Variants in TMTC3 observed in about 807,000 individuals in gnomAD.
The protein encoded by TMTC3 is protein O-mannosyl-transferase TMTC3.
Under a neutral mutation model 92.2 loss-of-function variants are expected in TMTC3, and 52 were observed. The ratio of observed to expected loss-of-function variants is 0.56; its 90% confidence interval spans 0.45 to 0.71. TMTC3 has a LOEUF of 0.71. TMTC3 is among the 30% of genes least tolerant of loss of function. The pLI, the probability that TMTC3 is intolerant of heterozygous loss-of-function variation, is 0.00. For missense variants in TMTC3, 896 were observed against 1,057.1 expected, an observed-to-expected ratio of 0.85 and a Z score of 2.11; for synonymous variants, 339 against 363.3, an observed-to-expected ratio of 0.93 and a Z score of 0.76.
intron 10 of TMTC3, among the ~76,000 whole-genome samples, chr12:88,185,099 T>C (rs2041361124): frequency 6.6e-6 from 1 of 152,176 alleles, no homozygotes; most frequent in Admixed American, 6.5e-5. Flanking sequence ...CAATAGACTA[T>C]ACATGTTTAA....
intron 2 of TMTC3, among the ~76,000 whole-genome samples, chr12:88,150,003 T>G (rs17335988): frequency 0.059 from 8,918 of 152,282 alleles, 324 homozygotes; most frequent in Non-Finnish European, 0.088. Context: ...TTTGAACTGA[T>G]GGTTTAGCTG....
chr12:88,172,635 G>T lies in TMTC3; in HGVS notation c.1089G>T (p.Ser363=). 6.4e-7 allele frequency: 1 copy of T among 1,554,250 alleles called. No homozygotes were observed. The change falls in exon 8 of 14, where the codon TCG becomes TCT. Residue 363 remains serine (S), a synonymous_variant. Transcript: ENST00000266712. ...TGGCATTACCATTTATTCCTGCATC[G>T]AACCTTTTTTTTCCAGTTGGATTTG... The part of the protein sequence containing the change: ...CLMALPFIPA[S]NLFFPVGFVV...
Position 88,160,111 on chromosome 12 carries a change from C to A in TMTC3, c.509-3C>A. The A allele has an allele frequency of 1.3e-6, 2 of 1,529,990 alleles. No homozygotes were observed. Among genetic ancestry groups the A allele is most frequent in the Non-Finnish European group, 1.8e-6 (2 of 1,129,698 alleles). 94.8% of individuals were successfully genotyped at this position (1,529,990 alleles called of 1,614,324 possible). On this transcript the variant is annotated splice_polypyrimidine_tract_variant and splice_region_variant and intron_variant, in intron 4 of 13. Transcript: ENST00000266712. ...TTTTATATTTTCTGTTCTCAAATTG[C>A]AGTATGGACTCCAATTGCCTTGACA... is the stretch of plus-strand genomic sequence containing the variant.
intron 10 of TMTC3, among the ~76,000 whole-genome samples, chr12:88,182,529 TCTAA>T (rs1212570015): frequency 3.3e-5 from 5 of 152,284 alleles, no homozygotes; most frequent in South Asian, 2.1e-4. Flanking sequence ...CCTTTTGAGG[TCTAA>T]CTGACCAGGA....
In TMTC3 at chr12:88,195,560, A is replaced by G. The variant is rs766171060; in HGVS notation, c.2656A>G (p.Thr886Ala). The change falls in exon 14 of 14, where the codon ACA (threonine) becomes GCA (alanine). Residue 886 changes from threonine to alanine, a missense_variant. Transcript: ENST00000266712. The stretch of plus-strand genomic sequence containing the variant: ...TGGAGACGAAGAGACACCCCACAAA[A>G]CAACAAAAGACATCAAAGAAATTGA... ...KNGDEETPHKTTKDIKEIEKK... is the reference protein window; with the variant it reads ...KNGDEETPHKATKDIKEIEKK... 9 of 1,612,370 alleles carry G rather than the reference A, an allele frequency of 5.6e-6. No homozygotes were observed. The highest frequency in any genetic ancestry group is 1.7e-5 in the Admixed American group (1 of 59,670).
At chr12:88,159,743 A>G (rs939161082) in intron 4 of TMTC3, among the ~76,000 whole-genome samples, 2 of 152,120 alleles carry the variant, frequency 1.3e-5, no homozygotes, top group African/African-American at 4.8e-5. Context: ...CAGTTTAATA[A>G]GGTATAAAGA....
chr12:88,154,853 G>C (rs1454612485), intron 4 of TMTC3, among the ~76,000 whole-genome samples: 2 of 152,158 alleles, frequency 1.3e-5, no homozygotes, highest in Non-Finnish European at 2.9e-5. Context: ...ACCCTGGAAA[G>C]TGCTTCGAAT....
intron 10 of TMTC3, among the ~76,000 whole-genome samples, chr12:88,178,555 T>G (rs887148332): frequency 6.6e-6 from 1 of 152,066 alleles, no homozygotes. Flanking sequence ...AAATACAAAT[T>G]TATTTAAAAT....
At chr12:88,182,972 G>C (rs1054755301) in intron 10 of TMTC3, among the ~76,000 whole-genome samples, 2 of 152,186 alleles carry the variant, frequency 1.3e-5, no homozygotes, top group African/African-American at 4.8e-5. Flanking sequence ...GGGAGACCCT[G>C]TTGAAGGGGC....
chr12:88,143,990 G>A (rs1409769109), intron 1 of TMTC3, among the ~76,000 whole-genome samples: 2 of 152,182 alleles, frequency 1.3e-5, no homozygotes, highest in Non-Finnish European at 2.9e-5. Flanking sequence ...AACTGTCATA[G>A]CACTGGTGGG....
At chr12:88,160,265 G>T in intron 5 of TMTC3, 36 bp downstream of exon 5, 1 of 1,221,972 alleles carries the variant, frequency 8.2e-7, no homozygotes, top group Non-Finnish European at 1.1e-6. Flanking sequence ...TTTTCTTATT[G>T]ATATATTTTA....
intron 11 of TMTC3, 75 bp downstream of exon 11, chr12:88,189,021 A>G (rs958792933): frequency 1.7e-4 from 134 of 783,356 alleles, no homozygotes; most frequent in Middle Eastern, 1.1e-3. Context: ...TAGAAGGAAA[A>G]TCTTTATCTT....
At chr12:88,156,968 A>G (rs2041020106) in intron 4 of TMTC3, among the ~76,000 whole-genome samples, 1 of 151,906 alleles carries the variant, frequency 6.6e-6, no homozygotes, top group African/African-American at 2.4e-5. Context: ...CTATACCTTT[A>G]ACTTGCATTT....
At chr12:88,189,682 A>G (rs1360783462) in intron 11 of TMTC3, among the ~76,000 whole-genome samples, 3 of 152,060 alleles carry the variant, frequency 2.0e-5, no homozygotes, top group Admixed American at 6.6e-5. Context: ...CCCTATGTCA[A>G]TTTTCATGTT....
intron 7 of TMTC3, among the ~76,000 whole-genome samples, chr12:88,167,343 GC>G (rs1247638166): frequency 6.6e-6 from 1 of 152,124 alleles, no homozygotes; most frequent in Non-Finnish European, 1.5e-5. Context: ...GGTGGAATTT[GC>G]AGTGAGCTGA....
At chr12:88,165,399 T>C (rs1428376946) in intron 6 of TMTC3, among the ~76,000 whole-genome samples, 2 of 152,094 alleles carry the variant, frequency 1.3e-5, no homozygotes, top group African/African-American at 2.4e-5. Context: ...AGACTCAAGA[T>C]TTATTATTTT....
intron 10 of TMTC3, among the ~76,000 whole-genome samples, chr12:88,185,104 G>T (rs142492909): frequency 8.5e-5 from 13 of 152,176 alleles, no homozygotes; most frequent in African/African-American, 2.9e-4. Context: ...GACTATACAT[G>T]TTTAAAATAC....
At chr12:88,167,821 T>G (rs150991861) in intron 7 of TMTC3, among the ~76,000 whole-genome samples, 18 of 152,328 alleles carry the variant, frequency 1.2e-4, no homozygotes, top group African/African-American at 4.1e-4. Flanking sequence ...ATAGTTAAGT[T>G]ACACATAGAA....
At chr12:88,186,199 G>A (rs1397006319) in intron 10 of TMTC3, among the ~76,000 whole-genome samples, 1 of 152,138 alleles carries the variant, frequency 6.6e-6, no homozygotes, top group African/African-American at 2.4e-5. Context: ...CCCTAGGCAG[G>A]ATGACTGAGA....
Sources: gnomAD v4.1 joint callset for allele counts (sites outside exome capture counted in the v4.1 genomes callset) on GRCh38, gnomAD v4.1.1 for gene constraint, MANE v1.5 for transcripts, NCBI Gene and HGNC (gene_info 2026-07-23, HGNC 2026-07-21) for gene names.